SLC9A9: variants seen among roughly 807,000 people sequenced by gnomAD.
SLC9A9 encodes sodium/hydrogen exchanger 9.
SLC9A9 carries 62 observed loss-of-function variants against 77.8 expected under a neutral mutation model. The ratio of observed to expected loss-of-function variants is 0.80; its 90% CI spans 0.65 to 0.98. The LOEUF (loss-of-function observed/expected upper bound fraction) is 0.98. SLC9A9 is among the 50% of genes least tolerant of loss of function. The pLI, the probability that SLC9A9 is intolerant of heterozygous loss-of-function variation, is 0.00. For missense variants in SLC9A9, 775 were observed against 774.9 expected, an observed-to-expected ratio of 1.00 and a Z score of 0.00; for synonymous variants, 320 against 283.5, an observed-to-expected ratio of 1.13 and a Z score of -1.29.
At chr3:143,597,100 T>A (rs1175362612) in intron 6 of SLC9A9, among the ~76,000 whole-genome samples, 1 of 152,234 alleles carries the variant, frequency 6.6e-6, no homozygotes, top group African/African-American at 2.4e-5. Context: ...TACATGGATG[T>A]GCTTTGGTTA....
At position 143,545,061 on chromosome 3, in the gene SLC9A9, G is replaced by A. The variant is rs570531859; in HGVS notation, c.1089+7301C>T. On this transcript the variant is annotated intron_variant, in intron 9 of 15. Coordinates refer to ENST00000316549, the MANE Select transcript of SLC9A9 (RefSeq NM_173653.4). ...TTTTGTACTGGTACAATACTGTTTC[G>A]GTTACTGTAGCCTTATAGTATGGTT... Among the ~76,000 whole-genome samples, 5 of 152,138 alleles carry A rather than the reference G, an allele frequency of 3.3e-5. No individual in the cohort carries two copies. The South Asian group carries it at 8.3e-4, about 25-fold the overall frequency.
intron 2 of SLC9A9, chr3:143,811,866 G>GAAA: frequency 1.9e-5 from 4 of 215,082 alleles, no homozygotes; most frequent in South Asian, 3.8e-5. Context: ...TGTCTAAAAA[G>GAAA]AAAAAAAAAA....
In SLC9A9 at chr3:143,757,048, A is replaced by G. The variant is rs367582372; in HGVS notation, c.533+37953T>C. ...GATAAATTGTAAGAGGAACCAGTAA[A>G]TTCATATCAGAGTACAAGAGAAATT... On this transcript the variant is annotated intron_variant, in intron 4 of 15. Transcript: ENST00000316549. Among the ~76,000 whole-genome samples the G allele has an allele frequency of 1.4e-4, 22 of 152,308 alleles. 1 individual carries two copies. The South Asian group carries it at 2.3e-3, about 16-fold the overall frequency.
chr3:143,329,023 AG>A (rs1361130476), intron 14 of SLC9A9, among the ~76,000 whole-genome samples: 1 of 152,190 alleles, frequency 6.6e-6, no homozygotes, highest in Non-Finnish European at 1.5e-5. Context: ...GACCTTTGCA[AG>A]CAGTACTTGC....
intron 4 of SLC9A9, among the ~76,000 whole-genome samples, chr3:143,697,513 C>G (rs1933675092): frequency 1.5e-5 from 2 of 130,030 alleles, no homozygotes; most frequent in South Asian, 6.2e-4. Context: ...TATAATTATT[C>G]CTTTTACAAA....
At chr3:143,402,421 T>TCGG (rs1284152261) in intron 12 of SLC9A9, among the ~76,000 whole-genome samples, 15 of 150,584 alleles carry the variant, frequency 1.0e-4, no homozygotes, top group African/African-American at 3.6e-4. Flanking sequence ...TTTCTCAAAC[T>TCGG]CTAGCAATTT....
At chr3:143,591,366 T>A in intron 6 of SLC9A9, among the ~76,000 whole-genome samples, 1 of 152,216 alleles carries the variant, frequency 6.6e-6, no homozygotes, top group East Asian at 1.9e-4. Context: ...CCCACAGATT[T>A]CAGTGTCATG....
chr3:143,587,951 G>A (rs1274631664), intron 6 of SLC9A9, among the ~76,000 whole-genome samples: 1 of 152,236 alleles, frequency 6.6e-6, no homozygotes, highest in Non-Finnish European at 1.5e-5. Flanking sequence ...GCATTTGAAA[G>A]GTGGTTGTGC....
intron 14 of SLC9A9, among the ~76,000 whole-genome samples, chr3:143,269,839 T>C (rs1044954619): frequency 1.3e-5 from 2 of 152,222 alleles, no homozygotes; most frequent in African/African-American, 2.4e-5. Flanking sequence ...AGAGGAGTTA[T>C]CATTGGTTGG....
chr3:143,516,668 T>C (rs2036207832), intron 9 of SLC9A9, among the ~76,000 whole-genome samples: 1 of 152,208 alleles, frequency 6.6e-6, no homozygotes, highest in African/African-American at 2.4e-5. Flanking sequence ...CCTTCTTTGC[T>C]TCCTGCCTCT....
chr3:143,721,766 G>T (rs1934504938), intron 4 of SLC9A9, among the ~76,000 whole-genome samples: 1 of 152,176 alleles, frequency 6.6e-6, no homozygotes, highest in South Asian at 2.1e-4. Context: ...GTGGTGGAGA[G>T]GGAGGAAGGA....
At chr3:143,496,978 G>A (rs551599694) in intron 9 of SLC9A9, among the ~76,000 whole-genome samples, 25 of 152,262 alleles carry the variant, frequency 1.6e-4, no homozygotes, top group African/African-American at 5.8e-4. Flanking sequence ...CGAGGAGAGA[G>A]AGATCATCAC....
intron 4 of SLC9A9, among the ~76,000 whole-genome samples, chr3:143,757,631 G>A (rs895644341): frequency 6.6e-5 from 10 of 152,080 alleles, no homozygotes; most frequent in Non-Finnish European, 1.2e-4. Flanking sequence ...TAAAAATGTC[G>A]CCTCTTCCAA....
At chr3:143,409,890 G>C (rs544169950) in intron 12 of SLC9A9, among the ~76,000 whole-genome samples, 12 of 152,316 alleles carry the variant, frequency 7.9e-5, no homozygotes, top group African/African-American at 2.9e-4. Context: ...GGAACAGCAG[G>C]AGAAGAAGGA....
chr3:143,441,569 C>T (rs1021773027), intron 12 of SLC9A9, among the ~76,000 whole-genome samples: 4 of 152,032 alleles, frequency 2.6e-5, no homozygotes, highest in Non-Finnish European at 5.9e-5. Flanking sequence ...TTTAGGACAA[C>T]CTAAGACTGT....
At chr3:143,285,687 G>A (rs1256886709) in intron 14 of SLC9A9, among the ~76,000 whole-genome samples, 1 of 152,192 alleles carries the variant, frequency 6.6e-6, no homozygotes, top group Non-Finnish European at 1.5e-5. Context: ...CAATAACTTG[G>A]GAGCTCAGTG....
At chr3:143,477,857 A>G (rs2035507157) in intron 11 of SLC9A9, among the ~76,000 whole-genome samples, 1 of 152,204 alleles carries the variant, frequency 6.6e-6, no homozygotes, top group African/African-American at 2.4e-5. Flanking sequence ...TCATAGTTAG[A>G]GTAAGAATGT....
chr3:143,398,543 TATTG>T (rs2033780836), intron 12 of SLC9A9, among the ~76,000 whole-genome samples: 1 of 152,186 alleles, frequency 6.6e-6, no homozygotes, highest in Non-Finnish European at 1.5e-5. Context: ...GATCTGAAGT[TATTG>T]TAACACCATG....
intron 9 of SLC9A9, among the ~76,000 whole-genome samples, chr3:143,513,510 ACTT>A (rs2036152605): frequency 1.3e-5 from 2 of 152,282 alleles, no homozygotes; most frequent in African/African-American, 4.8e-5. Flanking sequence ...GTTGGAATCA[ACTT>A]CTTCCAAAGC....
Sources: gnomAD v4.1 joint callset for allele counts (sites outside exome capture counted in the v4.1 genomes callset) on GRCh38, gnomAD v4.1.1 for gene constraint, MANE v1.5 for transcripts, NCBI Gene and HGNC (gene_info 2026-07-23, HGNC 2026-07-21) for gene names.